The following SUMF1 variants were observed in gnomAD, a reference collection of about 807,000 sequenced individuals.
SUMF1 encodes sulfatase modifying factor 1.
A neutral mutation model predicts 47.6 loss-of-function variants in SUMF1; 48 were observed. That is an observed-to-expected ratio of 1.01 (90% CI 0.80 to 1.28). The LOEUF is 1.28. Among genes scored for constraint, SUMF1 ranks in the 50% most tolerant of loss-of-function variants. SUMF1 has a pLI of 0.00. For synonymous variants in SUMF1, 230 were observed against 192.1 expected, an observed-to-expected ratio of 1.20 and a Z score of -1.63; for missense variants, 571 against 485.4, an observed-to-expected ratio of 1.18 and a Z score of -1.66.
rs376228362 is a variant in SUMF1 at position 4,375,134 on chromosome 3, C to CA, written c.1014+1195dup. ...CTGGGTGAAGAGTGAGACTCTGTCT[C>CA]AAAAAAAAAAAAAAAAAAAAAAAAA... is the stretch of plus-strand genomic sequence containing the variant. On this transcript the variant is annotated intron_variant, in intron 8 of 8. Coordinates refer to ENST00000272902, the MANE Select transcript of SUMF1 (RefSeq NM_182760.4). 9.4e-3 allele frequency among the ~76,000 whole-genome samples: 685 copies of CA among 72,958 alleles called. 8 individuals are homozygous for CA. The highest frequency in any genetic ancestry group is 0.018 in the Middle Eastern group (2 of 110). 47.9% of individuals were successfully genotyped at this position (72,958 alleles called of 152,430 possible). A position where few individuals can be genotyped will look rare whatever the true frequency, so the allele number is the denominator to read the frequency against.
chr3:4,280,818 TGTGTGTGTGTGTGTGTGTGTG>T (rs1697513554), intron 8 of SUMF1, among the ~76,000 whole-genome samples: 1 of 7,640 alleles, frequency 1.3e-4, no homozygotes, highest in Non-Finnish European at 3.0e-4. Flanking sequence ...ATTCACCGTG[TGTGTGTGTGTGTGTGTGTGTG>T]TGTGTGTGTG....
At chr3:4,115,926 T>G (rs1693414663) in intron 8 of SUMF1, among the ~76,000 whole-genome samples, 1 of 152,138 alleles carries the variant, frequency 6.6e-6, no homozygotes, top group Admixed American at 6.5e-5. Flanking sequence ...TGAAAACAGT[T>G]CTGGTGTTTA....
intron 1 of SUMF1, among the ~76,000 whole-genome samples, chr3:4,461,937 C>T (rs536835134): frequency 1.3e-5 from 2 of 152,222 alleles, no homozygotes; most frequent in East Asian, 3.9e-4. Flanking sequence ...GTGAGATAAC[C>T]CCTTCCCTGC....
At chr3:4,375,810 G>A (rs1700308705) in intron 8 of SUMF1, among the ~76,000 whole-genome samples, 1 of 152,158 alleles carries the variant, frequency 6.6e-6, no homozygotes, top group African/African-American at 2.4e-5. Flanking sequence ...AAGAAAGCCA[G>A]CTCAGACACT....
At chr3:4,411,099 A>G (rs1476723383) in intron 6 of SUMF1, 121 bp from the exon 7 acceptor site, 7 of 878,826 alleles carry the variant, frequency 8.0e-6, no homozygotes, top group Admixed American at 5.8e-5. Context: ...TTATTCCAAC[A>G]GTCAAAGTAC....
At chr3:4,387,007 G>A (rs1372778023) in intron 7 of SUMF1, among the ~76,000 whole-genome samples, 1 of 151,734 alleles carries the variant, frequency 6.6e-6, no homozygotes, top group Non-Finnish European at 1.5e-5. Context: ...CTAACATTTT[G>A]TTAAGGATTT....
At chr3:4,450,079 G>A (rs1418372647) in intron 2 of SUMF1, among the ~76,000 whole-genome samples, 2 of 152,098 alleles carry the variant, frequency 1.3e-5, no homozygotes, top group Non-Finnish European at 2.9e-5. Flanking sequence ...TGGCTCTCAG[G>A]CTTTGTGCAG....
intron 7 of SUMF1, among the ~76,000 whole-genome samples, chr3:4,386,276 T>C (rs1157284495): frequency 6.6e-6 from 1 of 152,200 alleles, no homozygotes; most frequent in Non-Finnish European, 1.5e-5. Flanking sequence ...TTTATTCAGA[T>C]ATTTCTTTCA....
intron 8 of SUMF1, among the ~76,000 whole-genome samples, chr3:4,249,836 C>T (rs771787096): frequency 3.0e-4 from 45 of 152,038 alleles, no homozygotes; most frequent in African/African-American, 8.7e-4. Flanking sequence ...AAAACTTCTC[C>T]GAGGAAATTA....
intron 9 of SUMF1, among the ~76,000 whole-genome samples, chr3:4,043,943 G>C (rs945615755): frequency 7.0e-6 from 1 of 143,810 alleles, no homozygotes; most frequent in African/African-American, 2.6e-5. Context: ...TTTCTTCCAG[G>C]CTAGATCACA....
At chr3:4,051,026 G>T (rs746802866) in intron 9 of SUMF1, among the ~76,000 whole-genome samples, 11 of 151,524 alleles carry the variant, frequency 7.3e-5, no homozygotes, top group Non-Finnish European at 1.3e-4. Context: ...TTGTCTACCC[G>T]CTAAAATGAC....
At chr3:4,074,504 G>A (rs551634978) in intron 8 of SUMF1, among the ~76,000 whole-genome samples, 2 of 152,030 alleles carry the variant, frequency 1.3e-5, no homozygotes, top group African/African-American at 2.4e-5. Context: ...CAGGACTAAA[G>A]GAGAAAGAGA....
At chr3:4,197,696 T>A (rs1185167750) in intron 8 of SUMF1, among the ~76,000 whole-genome samples, 1 of 151,994 alleles carries the variant, frequency 6.6e-6, no homozygotes, top group African/African-American at 2.4e-5. Context: ...GAAATGCCTA[T>A]AAAAGATACT....
chr3:4,352,651 G>T (rs1175555400), intron 8 of SUMF1, among the ~76,000 whole-genome samples: 1 of 147,178 alleles, frequency 6.8e-6, no homozygotes, highest in Non-Finnish European at 1.5e-5. Context: ...TATACAAAGT[G>T]ATTCCAACTA....
At chr3:4,129,146 C>G (rs1280224417) in intron 8 of SUMF1, among the ~76,000 whole-genome samples, 1 of 152,080 alleles carries the variant, frequency 6.6e-6, no homozygotes, top group East Asian at 1.9e-4. Flanking sequence ...CTTTGAAGAG[C>G]CCTGTAATTG....
At chr3:4,309,244 A>G (rs1042470910) in intron 8 of SUMF1, among the ~76,000 whole-genome samples, 7 of 152,164 alleles carry the variant, frequency 4.6e-5, no homozygotes, top group African/African-American at 1.7e-4. Flanking sequence ...AGTCTGTTCT[A>G]TCAGTAATTC....
At chr3:4,145,664 T>C (rs971862706) in intron 8 of SUMF1, among the ~76,000 whole-genome samples, 5 of 152,190 alleles carry the variant, frequency 3.3e-5, no homozygotes, top group African/African-American at 1.2e-4. Context: ...CCTTTGACTT[T>C]TCATGTCTGC....
intron 8 of SUMF1, among the ~76,000 whole-genome samples, chr3:4,134,765 G>T (rs769653965): frequency 5.9e-5 from 9 of 151,868 alleles, no homozygotes; most frequent in Non-Finnish European, 1.0e-4. Context: ...ATCAAATAGT[G>T]GCAATAAAAA....
chr3:4,251,867 C>A (rs1223692280), intron 8 of SUMF1, among the ~76,000 whole-genome samples: 1 of 152,090 alleles, frequency 6.6e-6, no homozygotes, highest in Admixed American at 6.5e-5. Flanking sequence ...TTTTTTTTAG[C>A]AATGAAGTAT....
Sources: gnomAD v4.1 joint callset for allele counts (sites outside exome capture counted in the v4.1 genomes callset) on GRCh38, gnomAD v4.1.1 for gene constraint, MANE v1.5 for transcripts, NCBI Gene and HGNC (gene_info 2026-07-23, HGNC 2026-07-21) for gene names.